The following PTK2 variants were observed in gnomAD, a reference collection of about 807,000 sequenced individuals.
The protein encoded by PTK2 is protein tyrosine kinase 2.
PTK2 carries 45 observed loss-of-function variants against 150.1 expected under a neutral mutation model. That is an observed-to-expected ratio of 0.30 (90% CI 0.24 to 0.38). PTK2 has a LOEUF of 0.38. Ranked by LOEUF, PTK2 falls within the 10% of genes least tolerant of loss-of-function variation. The probability of loss-of-function intolerance (pLI) is 1.00; values close to 1 mark genes in which losing one functional copy is unlikely to be tolerated. For synonymous variants in PTK2, 432 were observed against 449.2 expected, an observed-to-expected ratio of 0.96 and a Z score of 0.48; for missense variants, 919 against 1,307.3, an observed-to-expected ratio of 0.70 and a Z score of 4.58.
intron 22 of PTK2, among the ~76,000 whole-genome samples, chr8:140,718,935 T>C (rs930801411): frequency 1.3e-5 from 2 of 152,178 alleles, no homozygotes; most frequent in Non-Finnish European, 2.9e-5. Context: ...CCCAGCACTT[T>C]GGGAGTCCAA....
chr8:140,774,322 T>C (rs1460726967), intron 14 of PTK2, among the ~76,000 whole-genome samples: 1 of 152,208 alleles, frequency 6.6e-6, no homozygotes, highest in Non-Finnish European at 1.5e-5. Flanking sequence ...AGTGAATGGT[T>C]ATAACTGCAG....
intron 26 of PTK2, among the ~76,000 whole-genome samples, chr8:140,697,416 T>TGTGTGTGTGTGTGTGTGTGTGTGTG (rs2100027343): frequency 6.9e-6 from 1 of 145,710 alleles, no homozygotes; most frequent in African/African-American, 2.5e-5. Context: ...AGAATACGGT[T>TGTGTGTGTGTGTGTGTGTGTGTGTG]TGTGTGTGTG....
chr8:140,674,131 G>C (rs1242513096), intron 29 of PTK2, 167 bp downstream of exon 32: 2 of 771,636 alleles, frequency 2.6e-6, no homozygotes, highest in Non-Finnish European at 4.7e-6. Flanking sequence ...GACTCTCAGA[G>C]GGGTTCAGAA....
intron 8 of PTK2, among the ~76,000 whole-genome samples, chr8:140,826,155 G>T (rs1012120954): frequency 6.6e-6 from 1 of 152,150 alleles, no homozygotes; most frequent in East Asian, 1.9e-4. Flanking sequence ...CCTGTTTATG[G>T]AAAAGCCAAT....
chr8:140,966,636 A>G (rs527911375), intron 1 of PTK2, among the ~76,000 whole-genome samples: 178 of 152,354 alleles, frequency 1.2e-3, no homozygotes, highest in African/African-American at 4.1e-3. Flanking sequence ...TTCTCAAATT[A>G]TAAAATTAAA....
chr8:140,676,413 A>AT (rs1554666253), intron 27 of PTK2, among the ~76,000 whole-genome samples: 22 of 99,412 alleles, frequency 2.2e-4, no homozygotes, highest in South Asian at 3.1e-4. Flanking sequence ...TTAATTAATT[A>AT]ATATATATAT....
chr8:140,671,274 T>C (rs1315834594), intron 29 of PTK2, among the ~76,000 whole-genome samples: 2 of 152,108 alleles, frequency 1.3e-5, no homozygotes, highest in African/African-American at 4.8e-5. Context: ...CAGGCTGGAG[T>C]GCAGTAGTGT....
Position 140,764,505 on chromosome 8 carries a change from T to A in PTK2, c.1178-215A>T, listed in dbSNP as rs1041666826. 50 of 536,866 alleles carry A rather than the reference T, an allele frequency of 9.3e-5. 1 individual carries two copies. Among genetic ancestry groups the A allele is most frequent in the East Asian group, 7.2e-4 (25 of 34,544 alleles). The allele number at this position is 536,866 out of a possible 1,614,324, so 33.3% of individuals were successfully genotyped here. The stretch of plus-strand genomic sequence containing the variant: ...ACGTTATAATACACAGACTTGTTTA[T>A]CGGAGAGCAAACAGGGCTAACACAG... On this transcript the variant is annotated intron_variant, in intron 14 of 31. Transcript: ENST00000522684.
chr8:140,737,099 A>G (rs1019278906), intron 21 of PTK2, among the ~76,000 whole-genome samples: 43 of 152,294 alleles, frequency 2.8e-4, no homozygotes, highest in African/African-American at 9.6e-4. Flanking sequence ...TTTCTTGAGA[A>G]CTTAATGTGT....
chr8:140,873,904 T>G (rs1482874994), intron 4 of PTK2, among the ~76,000 whole-genome samples: 1 of 152,246 alleles, frequency 6.6e-6, no homozygotes, highest in African/African-American at 2.4e-5. Context: ...CTTAGTACAG[T>G]AGAATTTGCC....
chr8:140,867,675 T>C (rs995591065), intron 4 of PTK2, among the ~76,000 whole-genome samples: 9 of 152,118 alleles, frequency 5.9e-5, no homozygotes, highest in Non-Finnish European at 1.3e-4. Flanking sequence ...TGAAATAATC[T>C]GTAAACCAAA....
intron 12 of PTK2, among the ~76,000 whole-genome samples, chr8:140,797,567 C>T (rs1285992652): frequency 6.6e-6 from 1 of 152,192 alleles, no homozygotes; most frequent in Admixed American, 6.5e-5. Flanking sequence ...ATTCTATACA[C>T]AGAAAACCTA....
At chr8:140,899,744 CA>C (rs2100157700) in intron 2 of PTK2, among the ~76,000 whole-genome samples, 1 of 152,054 alleles carries the variant, frequency 6.6e-6, no homozygotes, top group South Asian at 2.1e-4. Context: ...TTCAAAAGAT[CA>C]ATTACCATGA....
chr8:140,879,676 G>GAAAAAATAAAAAAAAAAAAA (rs2100147781), intron 3 of PTK2, 39 bp from the exon 4 acceptor site: 1 of 31,602 alleles, frequency 3.2e-5, no homozygotes, highest in Admixed American at 6.2e-4. Flanking sequence ...GTTATAAACT[G>GAAAAAATAAAAAAAAAAAAA]AAAAAAAAAA....
intron 2 of PTK2, among the ~76,000 whole-genome samples, chr8:140,921,604 G>C (rs2100167485): frequency 6.6e-6 from 1 of 152,064 alleles, no homozygotes; most frequent in African/African-American, 2.4e-5. Flanking sequence ...TATTTTTCCT[G>C]GTTGGTACTG....
At chr8:140,732,313 T>C (rs753230529) in intron 22 of PTK2, among the ~76,000 whole-genome samples, 3 of 152,216 alleles carry the variant, frequency 2.0e-5, no homozygotes, top group Non-Finnish European at 4.4e-5. Flanking sequence ...GCAGAATGAA[T>C]GAATGCTCAA....
rs554102970 is a variant in PTK2 at position 140,880,007 on chromosome 8, T to C, written c.196-370A>G. On this transcript the variant is annotated intron_variant, in intron 3 of 31. Coordinates refer to ENST00000522684, the Ensembl canonical transcript of PTK2. The stretch of plus-strand genomic sequence containing the variant: ...ACACCAGCTATCTTTCAGTTACTAC[T>C]TTCTAAGGTCCAGACCCAAGGAGGG... Among the ~76,000 whole-genome samples, 4 of 152,310 alleles carry C rather than the reference T, an allele frequency of 2.6e-5. No individual in the cohort carries two copies. The East Asian group carries it at 5.8e-4, about 22-fold the overall frequency.
intron 1 of PTK2, among the ~76,000 whole-genome samples, chr8:140,929,140 T>C (rs2100170809): frequency 6.7e-6 from 1 of 150,178 alleles, no homozygotes; most frequent in Admixed American, 6.6e-5. Flanking sequence ...TAATTTTTTG[T>C]ATTTTTAGTA....
intron 7 of PTK2, among the ~76,000 whole-genome samples, chr8:140,832,697 AC>A (rs1011345257): frequency 6.6e-6 from 1 of 152,140 alleles, no homozygotes; most frequent in African/African-American, 2.4e-5. Flanking sequence ...CAAAGAGGCA[AC>A]AGGGATGAGT....
Sources: gnomAD v4.1 joint callset for allele counts (sites outside exome capture counted in the v4.1 genomes callset) on GRCh38, gnomAD v4.1.1 for gene constraint, MANE v1.5 for transcripts, NCBI Gene and HGNC (gene_info 2026-07-23, HGNC 2026-07-21) for gene names.